EMC2: variants seen among roughly 807,000 people sequenced by gnomAD.
The protein encoded by EMC2 is TPR repeat protein 35.
In EMC2, 37 loss-of-function variants were observed where a neutral mutation model predicts 51.6. The ratio of observed to expected loss-of-function variants is 0.72; its 90% confidence interval spans 0.55 to 0.94. The LOEUF (loss-of-function observed/expected upper bound fraction) is 0.94, where lower values mean the gene tolerates loss of function less well. EMC2 is among the 40% of genes least tolerant of loss of function. EMC2 has a pLI of 0.00. For missense variants in EMC2, 359 were observed against 350.9 expected, an observed-to-expected ratio of 1.02 and a Z score of -0.18; for synonymous variants, 131 against 112.4, an observed-to-expected ratio of 1.17 and a Z score of -1.04.
At chr8:108,464,350 CACTCTGGCCA>C (rs1481427300) in intron 5 of EMC2, among the ~76,000 whole-genome samples, 2 of 152,198 alleles carry the variant, frequency 1.3e-5, no homozygotes, top group African/African-American at 4.8e-5. Context: ...GGCTTTGACA[CACTCTGGCCA>C]ACTCTGGCCA....
intron 8 of EMC2, among the ~76,000 whole-genome samples, 157 bp from the exon 9 acceptor site, chr8:108,476,625 T>C (rs535785432): frequency 3.3e-5 from 5 of 152,094 alleles, no homozygotes; most frequent in African/African-American, 1.2e-4. Context: ...AAATTTTAGA[T>C]TAGCTTTAAA....
Position 108,469,763 on chromosome 8 carries a change from A to G in EMC2, c.364-63A>G, listed in dbSNP as rs75596185. The G allele has an allele frequency of 3.4e-4, 468 of 1,371,032 alleles. 2 individuals are homozygous for G. In the African/African-American group the frequency reaches 6.0e-3, roughly 18 times the overall value. The allele number at this position is 1,371,032 out of a possible 1,614,324, so 84.9% of individuals were successfully genotyped here. On this transcript the variant is annotated intron_variant, in intron 5 of 10. Coordinates refer to ENST00000220853, the MANE Select transcript of EMC2 (RefSeq NM_014673.5). The stretch of plus-strand genomic sequence containing the variant: ...AGATAATAATTTGCACAGTCAAATT[A>G]CCTTCTTTACAAAACCCCAAGGAAT...
In EMC2 at chr8:108,443,683, G is replaced by C; in HGVS notation, c.25G>C (p.Asp9His). ...GATGGCGAAGGTCTCAGAGCTTTAC[G>C]ATGTCACTTGGGAAGGTAACTTCGG... MAKVSELY[D>H]VTWEEMRDKM... The change falls in exon 1 of 11, where the codon GAT (aspartate) becomes CAT (histidine). Residue 9 changes from aspartate to histidine, a missense_variant. By Grantham distance (81) the Asp-to-His change is moderately conservative. Transcript: ENST00000220853. 3.1e-6 allele frequency: 5 copies of C among 1,610,144 alleles called. No homozygotes were observed. The highest frequency in any genetic ancestry group is 4.2e-6 in the Non-Finnish European group (5 of 1,178,086).
intron 5 of EMC2, among the ~76,000 whole-genome samples, chr8:108,462,402 C>G (rs1209743248): frequency 1.3e-5 from 2 of 152,094 alleles, no homozygotes; most frequent in African/African-American, 4.8e-5. Context: ...TTTAAGTCCC[C>G]TTGGTGAACT....
intron 10 of EMC2, among the ~76,000 whole-genome samples, chr8:108,481,866 T>C (rs142335177): frequency 6.7e-4 from 102 of 152,286 alleles, no homozygotes; most frequent in Non-Finnish European, 7.2e-4. Context: ...TATCCTTGTT[T>C]GTGTCTGTAG....
At chr8:108,444,929 C>A (rs778160135) in intron 1 of EMC2, among the ~76,000 whole-genome samples, 1 of 152,114 alleles carries the variant, frequency 6.6e-6, no homozygotes, top group Non-Finnish European at 1.5e-5. Flanking sequence ...AGGGTATCTT[C>A]CGTAAGCTGA....
chr8:108,467,177 C>T (rs1005313552), intron 5 of EMC2, among the ~76,000 whole-genome samples: 2 of 152,080 alleles, frequency 1.3e-5, no homozygotes, highest in African/African-American at 4.8e-5. Context: ...CTTCAGTGTC[C>T]AGTACTGTTT....
intron 10 of EMC2, among the ~76,000 whole-genome samples, chr8:108,486,231 T>C (rs1181412927): frequency 6.6e-6 from 1 of 151,914 alleles, no homozygotes; most frequent in East Asian, 1.9e-4. Flanking sequence ...AATAAGATAG[T>C]TTCAAATACA....
At chr8:108,481,036 A>G (rs1811035828) in intron 10 of EMC2, among the ~76,000 whole-genome samples, 2 of 151,988 alleles carry the variant, frequency 1.3e-5, no homozygotes, top group South Asian at 4.1e-4. Flanking sequence ...ATTACTTTCT[A>G]TTCCTCCTAC....
chr8:108,453,667 G>C (rs1819084947), intron 4 of EMC2, among the ~76,000 whole-genome samples: 2 of 151,856 alleles, frequency 1.3e-5, no homozygotes, highest in Non-Finnish European at 2.9e-5. Flanking sequence ...ATTATTTTTA[G>C]TTTGTAAGAG....
At chr8:108,471,484 T>C (rs1810855526) in intron 7 of EMC2, among the ~76,000 whole-genome samples, 1 of 151,708 alleles carries the variant, frequency 6.6e-6, no homozygotes. Flanking sequence ...AAGACAAAAA[T>C]TACATGTAAT....
intron 5 of EMC2, among the ~76,000 whole-genome samples, chr8:108,464,431 C>A (rs988733852): frequency 2.0e-5 from 3 of 152,132 alleles, no homozygotes; most frequent in Admixed American, 2.0e-4. Context: ...CCCTGAGCTA[C>A]CTCCAGTGCC....
At chr8:108,451,553 T>G (rs951658220) in intron 3 of EMC2, among the ~76,000 whole-genome samples, 4 of 152,138 alleles carry the variant, frequency 2.6e-5, no homozygotes, top group African/African-American at 9.7e-5. Context: ...CTTTTCAAGG[T>G]TGGGTTGGCT....
At position 108,479,104 on chromosome 8, in the gene EMC2, T is replaced by C; in HGVS notation, c.801T>C (p.Ala267=). 6.5e-7 allele frequency: 1 copy of C among 1,548,232 alleles called. No individual in the cohort carries two copies. The highest frequency in any genetic ancestry group is 8.8e-7 in the Non-Finnish European group (1 of 1,142,686). ...GGGCAGCTAGTCAAATAAACAGAGC[T>C]TATCAGGTTAGTATTTATTGATCAT... ...ASWAASQINR[A]YQFAGRSKKE... is the part of the protein sequence containing the mutation. The change falls in exon 10 of 11, where the codon GCT becomes GCC. Residue 267 remains alanine (A), a synonymous_variant. Transcript: ENST00000220853.
At position 108,479,133 on chromosome 8, in the gene EMC2, G is replaced by A. The variant is rs376217910; in HGVS notation, c.807+23G>A. The A allele has an allele frequency of 3.9e-5, 52 of 1,337,002 alleles. No individual in the cohort carries two copies. In the African/African-American group the frequency reaches 7.1e-4, roughly 18 times the overall value. 82.8% of individuals were successfully genotyped at this position (1,337,002 alleles called of 1,614,324 possible). ...CAGGTTAGTATTTATTGATCATTTT[G>A]CTATGTAGGTCAGTTAATGTATTTC... is the stretch of plus-strand genomic sequence containing the variant. On this transcript the variant is annotated intron_variant, in intron 10 of 10. Coordinates refer to ENST00000220853, the MANE Select transcript of EMC2 (RefSeq NM_014673.5).
At chr8:108,454,714 T>C (rs13280160) in intron 4 of EMC2, among the ~76,000 whole-genome samples, 1 of 152,188 alleles carries the variant, frequency 6.6e-6, no homozygotes, top group East Asian at 1.9e-4. Flanking sequence ...CTAACCAATA[T>C]TATTTTCCTT....
At chr8:108,460,609 T>C (rs1819296410) in intron 5 of EMC2, among the ~76,000 whole-genome samples, 1 of 152,170 alleles carries the variant, frequency 6.6e-6, no homozygotes, top group Admixed American at 6.5e-5. Context: ...CTTCAGGATA[T>C]GTGTATAAGG....
At chr8:108,469,606 A>T in intron 5 of EMC2, among the ~76,000 whole-genome samples, 1 of 152,184 alleles carries the variant, frequency 6.6e-6, no homozygotes, top group East Asian at 1.9e-4. Flanking sequence ...AACGATGCAT[A>T]CATTGTGTGC....
At chr8:108,466,214 A>G (rs776251721) in intron 5 of EMC2, among the ~76,000 whole-genome samples, 5 of 152,124 alleles carry the variant, frequency 3.3e-5, no homozygotes, top group African/African-American at 4.8e-5. Flanking sequence ...GCTCTTTATC[A>G]TGAGGAAAGA....
Sources: allele counts gnomAD v4.1 joint callset (sites outside exome capture counted in the v4.1 genomes callset), GRCh38; gene constraint gnomAD v4.1.1; transcripts MANE v1.5; gene names NCBI Gene and HGNC (gene_info 2026-07-23, HGNC 2026-07-21).